The following LRP1B variants were observed in gnomAD, a reference collection of about 807,000 sequenced individuals.
LRP1B encodes low-density lipoprotein receptor-related protein 1B.
In LRP1B, 217 loss-of-function variants were observed where a neutral mutation model predicts 556.6. The observed-to-expected ratio is 0.39, with a 90% CI of 0.35 to 0.44. LRP1B has a LOEUF of 0.44. LRP1B is among the 20% of genes least tolerant of loss of function. The probability of loss-of-function intolerance (pLI) is 1.00; values close to 1 mark genes in which losing one functional copy is unlikely to be tolerated. For missense variants in LRP1B, 5,053 were observed against 5,620.8 expected, an observed-to-expected ratio of 0.90 and a Z score of 3.23; for synonymous variants, 2,047 against 1,865.8, an observed-to-expected ratio of 1.10 and a Z score of -2.50.
intron 20 of LRP1B, among the ~76,000 whole-genome samples, chr2:140,925,235 A>G (rs1224502929): frequency 6.6e-6 from 1 of 152,146 alleles, no homozygotes; most frequent in African/African-American, 2.4e-5. Context: ...TGTATGACAT[A>G]GCTACTACAG....
At chr2:140,635,215 A>G (rs1438929570) in intron 41 of LRP1B, among the ~76,000 whole-genome samples, 1 of 152,088 alleles carries the variant, frequency 6.6e-6, no homozygotes, top group Non-Finnish European at 1.5e-5. Context: ...AAACAAGGAT[A>G]GTAGAAAATA....
intron 86 of LRP1B, among the ~76,000 whole-genome samples, chr2:140,264,586 A>G (rs1469549616): frequency 6.6e-6 from 1 of 151,986 alleles, no homozygotes; most frequent in African/African-American, 2.4e-5. Flanking sequence ...TAAAGGCCCT[A>G]TCTCCAAATA....
At chr2:140,325,941 C>G (rs562371832) in intron 79 of LRP1B, 63 bp from the exon 80 acceptor site, 54 of 1,026,052 alleles carry the variant, frequency 5.3e-5, no homozygotes, top group Non-Finnish European at 7.3e-5. Flanking sequence ...CAAAATCATA[C>G]TTTTGCTTCT....
chr2:141,532,036 A>G (rs889909266), intron 2 of LRP1B, among the ~76,000 whole-genome samples: 2 of 152,164 alleles, frequency 1.3e-5, no homozygotes, highest in Admixed American at 1.3e-4. Context: ...TGACTAACAG[A>G]TGAATCAGCT....
chr2:141,215,392 A>T (rs950570465), intron 6 of LRP1B, among the ~76,000 whole-genome samples: 3 of 152,212 alleles, frequency 2.0e-5, no homozygotes, highest in African/African-American at 7.2e-5. Context: ...CCTAATACAG[A>T]TAATTGGTAC....
At chr2:141,087,758 G>A (rs1191937957) in intron 7 of LRP1B, among the ~76,000 whole-genome samples, 3 of 152,178 alleles carry the variant, frequency 2.0e-5, no homozygotes, top group Admixed American at 6.5e-5. Flanking sequence ...GAGTTTGCCG[G>A]ATCAATTTAG....
chr2:140,745,749 G>T (rs757541094), intron 35 of LRP1B, among the ~76,000 whole-genome samples: 4 of 151,808 alleles, frequency 2.6e-5, no homozygotes, highest in Non-Finnish European at 5.9e-5. Flanking sequence ...TGCCATCCTT[G>T]GTATAAAAAA....
intron 5 of LRP1B, among the ~76,000 whole-genome samples, chr2:141,236,758 C>A (rs1375138868): frequency 6.6e-6 from 1 of 152,068 alleles, no homozygotes; most frequent in African/African-American, 2.4e-5. Context: ...GGAAAAGATA[C>A]CTTTTTCCTG....
At chr2:141,474,456 T>C (rs62166304) in intron 3 of LRP1B, among the ~76,000 whole-genome samples, 68,513 of 151,682 alleles carry the variant, frequency 0.45, 15,654 homozygotes, top group Non-Finnish European at 0.49. Flanking sequence ...TGGATAGAAA[T>C]ATAAAAGTAA....
Position 140,526,228 on chromosome 2 carries a change from A to C in LRP1B, c.7876+9T>G. On this transcript the variant is annotated intron_variant, in intron 48 of 90. Transcript: ENST00000389484. ...GCATAAACAGACAAAAGGTAGTGGA[A>C]TATCTTACTGCAGTTCTTTTCATCT... The C allele has an allele frequency of 6.2e-7, 1 of 1,606,596 alleles. No homozygotes were observed. Among genetic ancestry groups the C allele is most frequent in the Non-Finnish European group, 8.5e-7 (1 of 1,173,930 alleles).
intron 3 of LRP1B, among the ~76,000 whole-genome samples, chr2:141,365,655 C>CTTTTTTTTTTTTTTGGCTCT (rs1553503422): frequency 0.013 from 1,536 of 121,088 alleles, 30 homozygotes; most frequent in Non-Finnish European, 0.016. Flanking sequence ...GTTTTTGTTG[C>CTTTTTTTTTTTTTTGGCTCT]TTTTTTTTTT....
At chr2:141,981,622 G>A (rs1443607744) in intron 1 of LRP1B, among the ~76,000 whole-genome samples, 1 of 152,126 alleles carries the variant, frequency 6.6e-6, no homozygotes, top group Non-Finnish European at 1.5e-5. Context: ...GCTGCACAGA[G>A]AATGGGCAGT....
At chr2:140,530,000 C>G (rs1690618261) in intron 47 of LRP1B, among the ~76,000 whole-genome samples, 1 of 151,906 alleles carries the variant, frequency 6.6e-6, no homozygotes, top group Non-Finnish European at 1.5e-5. Context: ...AGAGAAGAAA[C>G]CAAAAGCAAT....
rs577872188 is a variant in LRP1B at position 140,237,761 on chromosome 2, A to G, written c.13560+391T>C. ...TTTACTTTATAATAGACCTTTATCTATCTATATATCTATCTATCCCCTGAA... is the reference window on the plus strand; with the variant it reads ...TTTACTTTATAATAGACCTTTATCTGTCTATATATCTATCTATCCCCTGAA... On this transcript the variant is annotated intron_variant, in intron 89 of 90. Transcript: ENST00000389484. Among the ~76,000 whole-genome samples the G allele has an allele frequency of 3.3e-5, 5 of 150,866 alleles. No individual in the cohort carries two copies. In the South Asian group the frequency reaches 8.3e-4, roughly 25 times the overall value.
chr2:140,377,080 T>A (rs1300804502), intron 68 of LRP1B, among the ~76,000 whole-genome samples: 1 of 151,358 alleles, frequency 6.6e-6, no homozygotes, highest in Non-Finnish European at 1.5e-5. Flanking sequence ...AACAGGATCT[T>A]TTTTTGTTGT....
intron 2 of LRP1B, among the ~76,000 whole-genome samples, chr2:141,681,806 T>C (rs1691114908): frequency 6.6e-6 from 1 of 152,150 alleles, no homozygotes; most frequent in Non-Finnish European, 1.5e-5. Flanking sequence ...GTGAATTCAG[T>C]TAAATTATCT....
intron 23 of LRP1B, among the ~76,000 whole-genome samples, chr2:140,902,560 C>T (rs915893002): frequency 2.0e-5 from 3 of 151,976 alleles, no homozygotes; most frequent in South Asian, 2.1e-4. Flanking sequence ...AAATTGTTTT[C>T]AAGAGCATTA....
At chr2:140,582,814 G>A (rs890633566) in intron 43 of LRP1B, among the ~76,000 whole-genome samples, 1 of 152,136 alleles carries the variant, frequency 6.6e-6, no homozygotes, top group Non-Finnish European at 1.5e-5. Flanking sequence ...AACGGACTAA[G>A]ATACTGCAGC....
chr2:140,711,612 T>A (rs116314290), intron 37 of LRP1B, among the ~76,000 whole-genome samples: 80 of 152,166 alleles, frequency 5.3e-4, no homozygotes, highest in African/African-American at 1.8e-3. Context: ...CAATGTCATA[T>A]AAAATTCCTG....
Sources: gnomAD v4.1 joint callset for allele counts (sites outside exome capture counted in the v4.1 genomes callset) on GRCh38, gnomAD v4.1.1 for gene constraint, MANE v1.5 for transcripts, NCBI Gene and HGNC (gene_info 2026-07-23, HGNC 2026-07-21) for gene names.